Variants in ASTN2 observed in about 807,000 individuals in gnomAD.
ASTN2 encodes the protein astrotactin-2.
Under a neutral mutation model 139.8 loss-of-function variants are expected in ASTN2, and 54 were observed. That is an observed-to-expected ratio of 0.39 (90% confidence interval 0.31 to 0.48). The LOEUF is 0.48. Ranked by LOEUF, ASTN2 falls within the 20% of genes least tolerant of loss-of-function variation. The pLI, the probability that ASTN2 is intolerant of heterozygous loss-of-function variation, is 0.95. For missense variants in ASTN2, 1,565 were observed against 1,725.1 expected (o/e 0.91, Z 1.64); for synonymous variants, 756 against 719.5 (o/e 1.05, Z -0.81).
At chr9:117,127,652 A>AG (rs200596670) in intron 4 of ASTN2, among the ~76,000 whole-genome samples, 6 of 121,320 alleles carry the variant, frequency 4.9e-5, no homozygotes, top group Admixed American at 1.6e-4. Flanking sequence ...TTCAGAAGTT[A>AG]GGGTTTTTTT....
At chr9:116,435,155 G>C (rs1847611884) in intron 22 of ASTN2, among the ~76,000 whole-genome samples, 1 of 152,096 alleles carries the variant, frequency 6.6e-6, no homozygotes, top group Admixed American at 6.5e-5. Context: ...CTGGTTCCTT[G>C]GCTTCCCAGC....
At chr9:116,925,678 C>T (rs916327326) in intron 10 of ASTN2, among the ~76,000 whole-genome samples, 1 of 151,584 alleles carries the variant, frequency 6.6e-6, no homozygotes, top group Non-Finnish European at 1.5e-5. Flanking sequence ...AAATAGAAAC[C>T]CTGCTACTCC....
chr9:116,869,006 G>A (rs945099609), intron 10 of ASTN2, among the ~76,000 whole-genome samples: 2 of 152,126 alleles, frequency 1.3e-5, no homozygotes, highest in African/African-American at 4.8e-5. Context: ...CCAACATGGT[G>A]AAACCCTGTC....
chr9:116,976,873 A>G (rs1207733483), intron 7 of ASTN2, 88 bp from the exon 8 acceptor site: 3 of 1,186,034 alleles, frequency 2.5e-6, no homozygotes, highest in Non-Finnish European at 2.4e-6. Flanking sequence ...TAAGACATAA[A>G]GTGAGCTGCT....
Position 117,097,214 on chromosome 9 carries a change from A to G in ASTN2, c.1169-1063T>C, listed in dbSNP as rs552180389. On this transcript the variant is annotated intron_variant, in intron 4 of 22. Transcript: ENST00000313400. ...GATGAGTGCAAAGGGTGCTTCAGAG[A>G]CAAACTCAGAGGAGTGTGGAGGGAA... Among the ~76,000 whole-genome samples the G allele has an allele frequency of 1.4e-4, 21 of 152,310 alleles. 4 individuals carry two copies. Among genetic ancestry groups the G allele is most frequent in the African/African-American group, 5.1e-4 (21 of 41,564 alleles).
rs368225507 is a variant in ASTN2, at chr9:117,294,451, C to T, written c.443-2938G>A. Among the ~76,000 whole-genome samples the T allele has an allele frequency of 7.2e-5, 11 of 152,318 alleles. No individual in the cohort carries two copies. The East Asian group carries it at 2.1e-3, about 29-fold the overall frequency. On this transcript the variant is annotated intron_variant, in intron 1 of 22. Transcript: ENST00000313400. ...GTATGAAATGTTAAAGGGAAAAATG[C>T]TTTAGCAGAAGCAGAAGGCCTCGAT...
intron 6 of ASTN2, among the ~76,000 whole-genome samples, chr9:117,012,091 T>C (rs1420873919): frequency 6.6e-6 from 1 of 152,146 alleles, no homozygotes; most frequent in Non-Finnish European, 1.5e-5. Flanking sequence ...TTAGTGAATG[T>C]CAAGTGCATT....
intron 1 of ASTN2, among the ~76,000 whole-genome samples, chr9:117,340,452 A>G (rs1829032226): frequency 6.6e-6 from 1 of 151,116 alleles, no homozygotes. Flanking sequence ...TGCCCGGTGC[A>G]CCCTGCTAAA....
chr9:116,893,171 A>ACT (rs1833805543), intron 10 of ASTN2, among the ~76,000 whole-genome samples: 1 of 151,848 alleles, frequency 6.6e-6, no homozygotes, highest in Non-Finnish European at 1.5e-5. Context: ...ACACACACAC[A>ACT]CACACACACA....
At chr9:117,321,289 C>A (rs1828315111) in intron 1 of ASTN2, among the ~76,000 whole-genome samples, 1 of 152,180 alleles carries the variant, frequency 6.6e-6, no homozygotes, top group African/African-American at 2.4e-5. Context: ...AGGTTGAGAG[C>A]AGATACTCAA....
At chr9:116,983,168 G>T (rs896772434) in intron 7 of ASTN2, among the ~76,000 whole-genome samples, 2 of 151,898 alleles carry the variant, frequency 1.3e-5, no homozygotes, top group African/African-American at 4.8e-5. Context: ...CATCTCTCTG[G>T]GCCCTCAGAG....
chr9:116,492,008 T>A (rs1416046900), intron 19 of ASTN2, among the ~76,000 whole-genome samples: 1 of 152,032 alleles, frequency 6.6e-6, no homozygotes, highest in African/African-American at 2.4e-5. Flanking sequence ...GTTGCAAACA[T>A]CATATAAAAT....
chr9:116,720,984 C>T (rs776523964), intron 16 of ASTN2, among the ~76,000 whole-genome samples: 4 of 152,136 alleles, frequency 2.6e-5, no homozygotes, highest in Admixed American at 6.5e-5. Flanking sequence ...CCCACCCCTG[C>T]CCACACACAT....
At chr9:116,761,606 A>G (rs1449962409) in intron 13 of ASTN2, among the ~76,000 whole-genome samples, 1 of 152,156 alleles carries the variant, frequency 6.6e-6, no homozygotes, top group African/African-American at 2.4e-5. Context: ...GAGGAATCCC[A>G]GGGAACTCAG....
intron 16 of ASTN2, among the ~76,000 whole-genome samples, chr9:116,708,608 T>G (rs1232664678): frequency 6.6e-6 from 1 of 152,168 alleles, no homozygotes; most frequent in Non-Finnish European, 1.5e-5. Flanking sequence ...ATAGTCATAA[T>G]CATAAAAGAG....
intron 10 of ASTN2, among the ~76,000 whole-genome samples, chr9:116,900,353 G>A (rs538566505): frequency 6.6e-6 from 1 of 152,244 alleles, no homozygotes; most frequent in South Asian, 2.1e-4. Context: ...GAGTGTGGAA[G>A]GACATGACAG....
intron 6 of ASTN2, among the ~76,000 whole-genome samples, chr9:117,033,583 C>A (rs562305445): frequency 6.6e-6 from 1 of 152,216 alleles, no homozygotes; most frequent in African/African-American, 2.4e-5. Context: ...TTCTCCCATC[C>A]CTGACCATAC....
At chr9:116,883,893 G>T (rs1262124320) in intron 10 of ASTN2, among the ~76,000 whole-genome samples, 3 of 152,212 alleles carry the variant, frequency 2.0e-5, no homozygotes, top group Non-Finnish European at 4.4e-5. Flanking sequence ...AGTTTTGTCA[G>T]TAGAACAGAC....
chr9:117,274,046 T>C (rs1834126776), intron 2 of ASTN2, among the ~76,000 whole-genome samples: 1 of 152,054 alleles, frequency 6.6e-6, no homozygotes, highest in African/African-American at 2.4e-5. Context: ...CTCAGGCGCC[T>C]CCCAACAAAA....
Sources: gnomAD v4.1 joint callset for allele counts (sites outside exome capture counted in the v4.1 genomes callset) on GRCh38, gnomAD v4.1.1 for gene constraint, MANE v1.5 for transcripts, NCBI Gene and HGNC (gene_info 2026-07-23, HGNC 2026-07-21) for gene names.